GEN1: variants seen among roughly 807,000 people sequenced by gnomAD.
GEN1 encodes flap endonuclease GEN homolog 1.
GEN1 carries 64 observed loss-of-function variants against 67.6 expected under a neutral mutation model. That is an observed-to-expected ratio of 0.95 (90% confidence interval 0.77 to 1.17). The LOEUF (loss-of-function observed/expected upper bound fraction) is 1.17. GEN1 is among the 50% of genes most tolerant of loss of function. The pLI, the probability that GEN1 is intolerant of heterozygous loss-of-function variation, is 0.00. For synonymous variants in GEN1, 371 were observed against 359.4 expected (o/e 1.03, Z -0.37); for missense variants, 1,058 against 1,048.3 (o/e 1.01, Z -0.13).
rs1673098671 is a variant in GEN1, at chr2:17,787,554, A to G, written c.*5615A>G. On this transcript the variant is annotated 3_prime_UTR_variant, in exon 14 of 14. Transcript: ENST00000381254. ...TGTTGGGTTACATTTTTTGTTTCCC[A>G]CACCAGACTATGAACATCCTCAGGG... 1 of 152,238 alleles carries G rather than the reference A, an allele frequency of 6.6e-6. No homozygotes were observed. The highest frequency in any genetic ancestry group is 1.5e-5 in the Non-Finnish European group (1 of 68,048). 9.4% of individuals were successfully genotyped at this position (152,238 alleles called of 1,614,324 possible). A position where few individuals can be genotyped will look rare whatever the true frequency, so the allele number is the denominator to read the frequency against.
intron 3 of GEN1, 96 bp from the exon 4 acceptor site, chr2:17,764,801 T>G (rs1254837209): frequency 9.1e-7 from 1 of 1,101,234 alleles, no homozygotes; most frequent in Non-Finnish European, 1.3e-6. Context: ...CCAAAATAGC[T>G]ACTATTAATA....
intron 7 of GEN1, 79 bp downstream of exon 7, chr2:17,771,366 C>A: frequency 1.2e-6 from 1 of 841,504 alleles, no homozygotes; most frequent in East Asian, 2.5e-5. Context: ...TTTTACATGC[C>A]AATATTAATA....
chr2:17,778,308 G>C (rs1180575424), intron 12 of GEN1, among the ~76,000 whole-genome samples: 1 of 63,334 alleles, frequency 1.6e-5, no homozygotes, highest in Non-Finnish European at 3.3e-5. Flanking sequence ...GTACATATAT[G>C]TATATACACA....
chr2:17,756,516 TA>T (rs1671441662), intron 1 of GEN1, among the ~76,000 whole-genome samples: 1 of 152,142 alleles, frequency 6.6e-6, no homozygotes, highest in Non-Finnish European at 1.5e-5. Context: ...CAAAAAAATT[TA>T]AAATTTTACC....
In GEN1 at chr2:17,782,760, T is replaced by G. The variant is rs1672904679; in HGVS notation, c.*821T>G. The G allele has an allele frequency of 6.6e-6, 1 of 152,214 alleles. No homozygotes were observed. Among genetic ancestry groups the G allele is most frequent in the Admixed American group, 6.5e-5 (1 of 15,280 alleles). 9.4% of individuals were successfully genotyped at this position (152,214 alleles called of 1,614,324 possible). On this transcript the variant is annotated 3_prime_UTR_variant, in exon 14 of 14. Transcript: ENST00000381254. ...TCCTGTGGGAATCAGTTTTCTTGCCTGCTAATTTTTTTATTTTTCTATTTT... is the reference window on the plus strand; with the variant it reads ...TCCTGTGGGAATCAGTTTTCTTGCCGGCTAATTTTTTTATTTTTCTATTTT...
intron 12 of GEN1, among the ~76,000 whole-genome samples, 162 bp downstream of exon 12, chr2:17,778,225 C>CATATATGTGTGT (rs1261077939): frequency 5.5e-5 from 8 of 145,038 alleles, no homozygotes; most frequent in African/African-American, 1.3e-4. Flanking sequence ...TGTATACACA[C>CATATATGTGTGT]ACATATATGT....
chr2:17,778,457 C>T (rs199951831), intron 12 of GEN1, among the ~76,000 whole-genome samples: 3 of 20,206 alleles, frequency 1.5e-4, no homozygotes, highest in African/African-American at 4.3e-4. Context: ...TATGTGTGTA[C>T]ATATATGTAT....
chr2:17,756,987 CAG>C (rs1476664920), intron 1 of GEN1, among the ~76,000 whole-genome samples: 8 of 152,292 alleles, frequency 5.3e-5, no homozygotes, highest in East Asian at 1.9e-4. Context: ...ATGATGGAAA[CAG>C]AGATTTGGAG....
chr2:17,765,181 G>A (rs72768649), intron 4 of GEN1, 108 bp downstream of exon 4: 18 of 949,002 alleles, frequency 1.9e-5, no homozygotes, highest in African/African-American at 6.7e-5. Flanking sequence ...TGCCTTGCAC[G>A]TAGCAATTGC....
At chr2:17,761,715 T>A (rs182430136) in intron 3 of GEN1, 133 bp downstream of exon 3, 2 of 637,260 alleles carry the variant, frequency 3.1e-6, no homozygotes, top group Admixed American at 7.3e-5. Flanking sequence ...AAAGAGTTTA[T>A]TTTTTAGAGT....
intron 1 of GEN1, chr2:17,754,766 C>T (rs557541585): frequency 3.9e-5 from 6 of 152,346 alleles, no homozygotes; most frequent in African/African-American, 1.4e-4. Context: ...ATAGTAATTA[C>T]TTTAAGGTAT....
rs575954008 is a variant in GEN1 at position 17,785,877 on chromosome 2, C to G, written c.*3938C>G. ...CCACTGCACTTCACTCCAGGATGGG[C>G]GAAAAAGTGTCTAAAAAAAATTAAA... On this transcript the variant is annotated 3_prime_UTR_variant, in exon 14 of 14. Transcript: ENST00000381254. 16 of 151,394 alleles carry G rather than the reference C, an allele frequency of 1.1e-4. No individual in the cohort carries two copies. The highest frequency in any genetic ancestry group is 3.4e-4 in the African/African-American group (14 of 41,164). 9.4% of individuals were successfully genotyped at this position (151,394 alleles called of 1,614,324 possible). A position where few individuals can be genotyped will look rare whatever the true frequency, so the allele number is the denominator to read the frequency against.
rs775030030 is a variant in GEN1 at position 17,781,664 on chromosome 2, C to G, written c.2452C>G (p.Gln818Glu). The part of the protein sequence containing the change: ...PVFGKAKYTT[Q>E]RMKHSSQKHN... Reference sequence around the variant, plus strand: ...GTTTGGGAAAGCTAAGTACACAACTCAAAGAATGAAGCACAGTTCTCAAAA... The same window carrying G: ...GTTTGGGAAAGCTAAGTACACAACTGAAAGAATGAAGCACAGTTCTCAAAA... Residue 818 changes from glutamine to glutamate, a missense_variant, in exon 14 of 14, where the codon CAA becomes GAA. Gln to Glu is a conservative substitution (Grantham distance 29, BLOSUM62 2). Transcript: ENST00000381254. The G allele has an allele frequency of 1.2e-6, 2 of 1,613,852 alleles. No homozygotes were observed. Among genetic ancestry groups the G allele is most frequent in the African/African-American group, 2.7e-5 (2 of 74,914 alleles).
chr2:17,759,870 T>A, intron 1 of GEN1, 59 bp from the exon 2 acceptor site: 1 of 1,416,876 alleles, frequency 7.1e-7, no homozygotes, highest in Non-Finnish European at 9.9e-7. Context: ...TTGTTTGAAT[T>A]CCTGTTATGA....
chr2:17,766,808 T>G lies in GEN1; in HGVS notation c.636+119T>G, dbSNP rs1218621772. The stretch of plus-strand genomic sequence containing the variant: ...TAAAAATCGAATTTAAAATATAATT[T>G]CAGGCATAATAAGCTATTCAGTGAC... On this transcript the variant is annotated intron_variant, in intron 5 of 13. Transcript: ENST00000381254. 5 of 574,912 alleles carry G rather than the reference T, an allele frequency of 8.7e-6. No individual in the cohort carries two copies. The African/African-American group carries it at 9.5e-5, about 11-fold the overall frequency. The allele number at this position is 574,912 out of a possible 1,614,324, so 35.6% of individuals were successfully genotyped here.
intron 11 of GEN1, among the ~76,000 whole-genome samples, chr2:17,775,095 A>G (rs1382681254): frequency 2.0e-5 from 3 of 152,228 alleles, no homozygotes; most frequent in African/African-American, 7.2e-5. Flanking sequence ...ATTAAGTTTT[A>G]AAACAGTCTG....
chr2:17,770,820 G>T (rs1672147483), intron 6 of GEN1, among the ~76,000 whole-genome samples: 1 of 150,482 alleles, frequency 6.6e-6, no homozygotes, highest in Non-Finnish European at 1.5e-5. Context: ...ATTCTGTTTT[G>T]TACTCTGGCA....
In GEN1 at chr2:17,758,378, A is replaced by G. The variant is rs185593209; in HGVS notation, c.-15-1551A>G. Among the ~76,000 whole-genome samples, 4 of 152,350 alleles carry G rather than the reference A, an allele frequency of 2.6e-5. No individual in the cohort carries two copies. The East Asian group carries it at 5.8e-4, about 22-fold the overall frequency. ...GTCACAAAGGAAAGCAAAACTGTCA[A>G]TAACTTTCTTCTCAGACTTTTGGTT... is the stretch of plus-strand genomic sequence containing the variant. On this transcript the variant is annotated intron_variant, in intron 1 of 13. Transcript: ENST00000381254.
rs372763081 is a variant in GEN1, at chr2:17,778,426, A to C, written c.1264+363A>C. 4.2e-4 allele frequency among the ~76,000 whole-genome samples: 39 copies of C among 91,976 alleles called. 3 individuals are homozygous for C. Among genetic ancestry groups the C allele is most frequent in the African/African-American group, 1.4e-3 (35 of 24,754 alleles). 60.3% of individuals were successfully genotyped at this position (91,976 alleles called of 152,430 possible). A position where few individuals can be genotyped will look rare whatever the true frequency, so the allele number is the denominator to read the frequency against. The stretch of plus-strand genomic sequence containing the variant: ...TATACACACATATATGTGTGTACAT[A>C]TATGTATATACACACACATATATGT... On this transcript the variant is annotated intron_variant, in intron 12 of 13. Transcript: ENST00000381254.
Sources: gnomAD v4.1 joint callset for allele counts (sites outside exome capture counted in the v4.1 genomes callset) on GRCh38, gnomAD v4.1.1 for gene constraint, MANE v1.5 for transcripts, NCBI Gene and HGNC (gene_info 2026-07-23, HGNC 2026-07-21) for gene names.